Variants in TMEM117 observed in about 807,000 individuals in gnomAD.
TMEM117 encodes transmembrane protein 117.
A neutral mutation model predicts 52.4 loss-of-function variants in TMEM117; 27 were observed. The ratio of observed to expected loss-of-function variants is 0.51; its 90% CI spans 0.38 to 0.71. TMEM117 has a LOEUF of 0.71. TMEM117 is among the 30% of genes least tolerant of loss of function. The pLI is 0.00. For missense variants in TMEM117, 556 were observed against 630.5 expected (o/e 0.88, Z 1.26); for synonymous variants, 215 against 206.3 (o/e 1.04, Z -0.36).
intron 6 of TMEM117, among the ~76,000 whole-genome samples, chr12:44,347,888 G>A (rs1951509606): frequency 6.6e-6 from 1 of 151,988 alleles, no homozygotes; most frequent in African/African-American, 2.4e-5. Context: ...TCTACATCCT[G>A]GCCTTGCTGT....
At chr12:44,363,264 T>C (rs1702538907) in intron 6 of TMEM117, among the ~76,000 whole-genome samples, 1 of 152,182 alleles carries the variant, frequency 6.6e-6, no homozygotes, top group Non-Finnish European at 1.5e-5. Flanking sequence ...TGTAGTATCA[T>C]TTTTAAAATA....
At chr12:44,306,354 T>G (rs376348752) in intron 6 of TMEM117, among the ~76,000 whole-genome samples, 2 of 152,204 alleles carry the variant, frequency 1.3e-5, no homozygotes, top group African/African-American at 4.8e-5. Context: ...CTACTCATAT[T>G]TCTATATCAA....
chr12:44,024,542 AAAAG>A (rs779550757), intron 3 of TMEM117, among the ~76,000 whole-genome samples: 12 of 151,818 alleles, frequency 7.9e-5, no homozygotes, highest in Non-Finnish European at 1.5e-4. Flanking sequence ...TAAATGAAAG[AAAAG>A]AAAGGAAGAA....
chr12:44,144,079 G>C (rs1026360664), intron 4 of TMEM117, among the ~76,000 whole-genome samples: 1 of 152,122 alleles, frequency 6.6e-6, no homozygotes, highest in Non-Finnish European at 1.5e-5. Flanking sequence ...AGCAATTTAA[G>C]AAATCATTTT....
At chr12:44,027,823 CT>C (rs1946568544) in intron 3 of TMEM117, among the ~76,000 whole-genome samples, 1 of 152,070 alleles carries the variant, frequency 6.6e-6, no homozygotes, top group Non-Finnish European at 1.5e-5. Context: ...GAGTTCAGGC[CT>C]TTGGACCCCT....
At chr12:44,114,636 A>C (rs374704988) in intron 3 of TMEM117, among the ~76,000 whole-genome samples, 1 of 152,174 alleles carries the variant, frequency 6.6e-6, no homozygotes, top group Admixed American at 6.5e-5. Context: ...TTCTCCATCT[A>C]GTCAGTGAGG....
chr12:44,362,178 T>C (rs1034873918), intron 6 of TMEM117, among the ~76,000 whole-genome samples: 4 of 152,114 alleles, frequency 2.6e-5, no homozygotes, highest in Admixed American at 2.6e-4. Flanking sequence ...TTTGGCTCTT[T>C]ACTCATTCTT....
At chr12:44,023,167 T>A (rs1401029083) in intron 3 of TMEM117, among the ~76,000 whole-genome samples, 3 of 152,248 alleles carry the variant, frequency 2.0e-5, no homozygotes, top group Non-Finnish European at 4.4e-5. Flanking sequence ...TCATTTTTTA[T>A]GGCTGCATAG....
chr12:44,210,928 T>C (rs1949637205), intron 4 of TMEM117, among the ~76,000 whole-genome samples: 1 of 152,136 alleles, frequency 6.6e-6, no homozygotes, highest in African/African-American at 2.4e-5. Flanking sequence ...GCTAAAAATC[T>C]AGACATCAGG....
intron 6 of TMEM117, among the ~76,000 whole-genome samples, chr12:44,302,286 C>CT (rs1182140740): frequency 3.3e-5 from 5 of 152,212 alleles, no homozygotes; most frequent in African/African-American, 1.2e-4. Context: ...AGTCCAGCCT[C>CT]TGGGAGCTCT....
At chr12:44,214,642 TTAA>T (rs1487707584) in intron 5 of TMEM117, among the ~76,000 whole-genome samples, 1 of 152,224 alleles carries the variant, frequency 6.6e-6, no homozygotes, top group Non-Finnish European at 1.5e-5. Context: ...TGTAAAATTA[TTAA>T]TAATTAGGCA....
At chr12:43,948,229 A>G (rs572614101) in intron 3 of TMEM117, among the ~76,000 whole-genome samples, 1 of 152,232 alleles carries the variant, frequency 6.6e-6, no homozygotes, top group Admixed American at 6.5e-5. Context: ...CCACGAGGAA[A>G]AACCTTGTCT....
chr12:44,343,159 G>A (rs148315743), intron 6 of TMEM117, among the ~76,000 whole-genome samples: 5,856 of 151,724 alleles, frequency 0.039, 136 homozygotes, highest in Admixed American at 0.055. Context: ...CGCCATGTTG[G>A]CCAGGCTGGT....
At chr12:44,173,687 C>G (rs1183996234) in intron 4 of TMEM117, among the ~76,000 whole-genome samples, 1 of 151,594 alleles carries the variant, frequency 6.6e-6, no homozygotes, top group Non-Finnish European at 1.5e-5. Flanking sequence ...ATAAAACATC[C>G]CAGGTTGTTT....
chr12:44,006,593 A>G (rs1466694303), intron 3 of TMEM117, among the ~76,000 whole-genome samples: 1 of 152,204 alleles, frequency 6.6e-6, no homozygotes, highest in Non-Finnish European at 1.5e-5. Context: ...ATCTCTCACA[A>G]AGAATCAATA....
intron 2 of TMEM117, among the ~76,000 whole-genome samples, chr12:43,910,619 C>A (rs1380349098): frequency 6.6e-6 from 1 of 151,758 alleles, no homozygotes; most frequent in Admixed American, 6.6e-5. Flanking sequence ...CCAAAATCTC[C>A]TTCAGCTGAT....
intron 3 of TMEM117, among the ~76,000 whole-genome samples, chr12:43,994,043 G>A (rs548738269): frequency 2.0e-5 from 3 of 152,240 alleles, no homozygotes; most frequent in East Asian, 1.9e-4. Context: ...TCATGAGAAT[G>A]GAGATGTTAA....
At chr12:43,998,702 A>C (rs546881760) in intron 3 of TMEM117, among the ~76,000 whole-genome samples, 45 of 152,344 alleles carry the variant, frequency 3.0e-4, no homozygotes, top group African/African-American at 9.4e-4. Context: ...CTAATAATGA[A>C]AGAAAATATT....
At chr12:44,087,434 G>GTGTATGTATGTA (rs60335561) in intron 3 of TMEM117, among the ~76,000 whole-genome samples, 5 of 150,094 alleles carry the variant, frequency 3.3e-5, no homozygotes, top group Admixed American at 6.7e-5. Context: ...CTTTCTATGT[G>GTGTATGTATGTA]TGTATGTATG....
Sources: allele counts gnomAD v4.1 joint callset (sites outside exome capture counted in the v4.1 genomes callset), GRCh38; gene constraint gnomAD v4.1.1; transcripts MANE v1.5; gene names NCBI Gene and HGNC (gene_info 2026-07-23, HGNC 2026-07-21).